The following RAB3C variants were observed in gnomAD, a reference collection of about 807,000 sequenced individuals.
RAB3C encodes RAB3C, member RAS oncogene family, also known as ras-related protein Rab-3C.
A neutral mutation model predicts 26.4 loss-of-function variants in RAB3C; 17 were observed. The ratio of observed to expected loss-of-function variants is 0.64; its 90% CI spans 0.44 to 0.97. The LOEUF is 0.97. Among genes scored for constraint, RAB3C ranks in the 50% least tolerant of loss-of-function variants. The pLI, the probability that RAB3C is intolerant of heterozygous loss-of-function variation, is 0.00. For synonymous variants in RAB3C, 91 were observed against 95.9 expected, an observed-to-expected ratio of 0.95 and a Z score of 0.30; for missense variants, 242 against 281.9, an observed-to-expected ratio of 0.86 and a Z score of 1.01.
chr5:58,684,930 A>G (rs150511886), intron 2 of RAB3C, among the ~76,000 whole-genome samples: 44 of 152,358 alleles, frequency 2.9e-4, no homozygotes, highest in African/African-American at 1.0e-3. Flanking sequence ...AACATTTGTT[A>G]CAGATTATCA....
chr5:58,661,850 G>A (rs557081549), intron 2 of RAB3C, among the ~76,000 whole-genome samples: 5 of 149,376 alleles, frequency 3.3e-5, no homozygotes, highest in Non-Finnish European at 7.4e-5. Context: ...GGACAGAGGG[G>A]TTAGAGAACG....
Position 58,855,224 on chromosome 5 carries a change from G to A in RAB3C, c.*3873G>A, listed in dbSNP as rs115274904. ...AAACTACCAAGCTATACCAAGCTGA[G>A]GTAGGTAACACCTGCATGTGAAAAA... On this transcript the variant is annotated 3_prime_UTR_variant, in exon 5 of 5. Coordinates refer to ENST00000282878, the MANE Select transcript of RAB3C (RefSeq NM_138453.4). 1 of 152,066 alleles carries A rather than the reference G, an allele frequency of 6.6e-6. No homozygotes were observed. The highest frequency in any genetic ancestry group is 1.5e-5 in the Non-Finnish European group (1 of 68,024). 9.4% of individuals were successfully genotyped at this position (152,066 alleles called of 1,614,324 possible).
chr5:58,754,885 C>CTTT (rs5868129), intron 3 of RAB3C, among the ~76,000 whole-genome samples: 1,560 of 149,598 alleles, frequency 0.01, 33 homozygotes, highest in African/African-American at 0.036. Context: ...CCTTATTCTC[C>CTTT]TTTTTTTTTT....
intron 3 of RAB3C, among the ~76,000 whole-genome samples, chr5:58,818,309 G>C (rs554088678): frequency 6.6e-6 from 1 of 152,162 alleles, no homozygotes; most frequent in Admixed American, 6.5e-5. Context: ...ATTTTATTCT[G>C]TGCAGAGTTC....
chr5:58,597,747 CA>C (rs1426816930), intron 1 of RAB3C, among the ~76,000 whole-genome samples: 1 of 119,920 alleles, frequency 8.3e-6, no homozygotes, highest in Non-Finnish European at 1.6e-5. Flanking sequence ...ACATATAATA[CA>C]TTATATATAA....
Position 58,765,307 on chromosome 5 carries a change from C to T in RAB3C, c.371+39187C>T, listed in dbSNP as rs185347336. On this transcript the variant is annotated intron_variant, in intron 3 of 4. Transcript: ENST00000282878. ...CCCAGTTTTTTCCATTTTCACCTCC[C>T]TCAGCTTACATTTTCTTTTGACTTG... Among the ~76,000 whole-genome samples, 124 of 152,226 alleles carry T rather than the reference C, an allele frequency of 8.1e-4. 1 individual carries two copies. The highest frequency in any genetic ancestry group is 2.9e-3 in the African/African-American group (121 of 41,528).
At chr5:58,623,461 G>GC (rs1561270219) in intron 2 of RAB3C, among the ~76,000 whole-genome samples, 4 of 152,214 alleles carry the variant, frequency 2.6e-5, no homozygotes, top group Non-Finnish European at 5.9e-5. Context: ...ACCATTCTTG[G>GC]TGCTGTCATT....
intron 2 of RAB3C, among the ~76,000 whole-genome samples, chr5:58,658,927 G>A (rs893229735): frequency 1.3e-5 from 2 of 152,142 alleles, no homozygotes; most frequent in Non-Finnish European, 2.9e-5. Context: ...CATTATCACT[G>A]TAGTCATTTG....
At chr5:58,823,241 A>G (rs1173417298) in intron 3 of RAB3C, 1 of 262,830 alleles carries the variant, frequency 3.8e-6, no homozygotes, top group Non-Finnish European at 7.6e-6. Flanking sequence ...TAAAGCTCAT[A>G]TTGGCTGGGC....
At chr5:58,818,962 T>G (rs1743278996) in intron 3 of RAB3C, among the ~76,000 whole-genome samples, 1 of 152,208 alleles carries the variant, frequency 6.6e-6, no homozygotes, top group African/African-American at 2.4e-5. Context: ...AAAAATTTAT[T>G]TGTATAGAAC....
chr5:58,659,163 A>G (rs1579842810), intron 2 of RAB3C, among the ~76,000 whole-genome samples: 1 of 152,250 alleles, frequency 6.6e-6, no homozygotes, highest in Non-Finnish European at 1.5e-5. Context: ...ACAATTCTCA[A>G]TACTGCTGTT....
intron 2 of RAB3C, among the ~76,000 whole-genome samples, chr5:58,650,172 A>G (rs1294086794): frequency 2.0e-5 from 3 of 152,198 alleles, no homozygotes; most frequent in Non-Finnish European, 4.4e-5. Context: ...GACCTTTTAA[A>G]TAAATAAACA....
chr5:58,647,388 G>A (rs1223094847), intron 2 of RAB3C, among the ~76,000 whole-genome samples: 1 of 152,112 alleles, frequency 6.6e-6, no homozygotes, highest in African/African-American at 2.4e-5. Flanking sequence ...GGAGGAACTT[G>A]CCAAACACTT....
intron 3 of RAB3C, among the ~76,000 whole-genome samples, chr5:58,818,715 T>C (rs536957732): frequency 2.0e-5 from 3 of 152,210 alleles, no homozygotes; most frequent in Non-Finnish European, 4.4e-5. Context: ...TTTTCACATG[T>C]ATACTGTTTG....
In RAB3C at chr5:58,670,184, T is replaced by C. The variant is rs181057592; in HGVS notation, c.252+52314T>C. Among the ~76,000 whole-genome samples the C allele has an allele frequency of 1.8e-4, 28 of 152,248 alleles. No individual in the cohort carries two copies. The East Asian group carries it at 4.8e-3, about 26-fold the overall frequency. On this transcript the variant is annotated intron_variant, in intron 2 of 4. Coordinates refer to ENST00000282878, the MANE Select transcript of RAB3C (RefSeq NM_138453.4). ...TACTACCACATACATATCTGAACAA[T>C]TGACATACGATCTTAGAGGCCCAGC...
intron 2 of RAB3C, among the ~76,000 whole-genome samples, chr5:58,661,673 T>A (rs1747908521): frequency 6.8e-6 from 1 of 147,018 alleles, no homozygotes; most frequent in Non-Finnish European, 1.5e-5. Flanking sequence ...GCAGGGACAC[T>A]GCAAGATAGG....
intron 2 of RAB3C, among the ~76,000 whole-genome samples, chr5:58,687,644 G>A (rs1243141099): frequency 6.6e-6 from 1 of 151,892 alleles, no homozygotes; most frequent in East Asian, 1.9e-4. Context: ...GAGATACAAG[G>A]CAAAAAATAA....
At chr5:58,794,886 C>A (rs965213712) in intron 3 of RAB3C, among the ~76,000 whole-genome samples, 1 of 152,210 alleles carries the variant, frequency 6.6e-6, no homozygotes, top group Non-Finnish European at 1.5e-5. Context: ...TCAGTAGGTT[C>A]TGTGGAGCCC....
In RAB3C at chr5:58,854,113, A is replaced by G. The variant is rs1336569378; in HGVS notation, c.*2762A>G. ...ATCAATAGTCTAAATACATAAATAA[A>G]TGCAGGTCATTTTTATCAATGGCCT... On this transcript the variant is annotated 3_prime_UTR_variant, in exon 5 of 5. Transcript: ENST00000282878. 1 of 152,008 alleles carries G rather than the reference A, an allele frequency of 6.6e-6. No individual in the cohort carries two copies. Among genetic ancestry groups the G allele is most frequent in the Non-Finnish European group, 1.5e-5 (1 of 67,992 alleles). The allele number at this position is 152,008 out of a possible 1,614,324, so 9.4% of individuals were successfully genotyped here. A position where few individuals can be genotyped will look rare whatever the true frequency, so the allele number is the denominator to read the frequency against.
Sources: allele counts gnomAD v4.1 joint callset (sites outside exome capture counted in the v4.1 genomes callset), GRCh38; gene constraint gnomAD v4.1.1; transcripts MANE v1.5; gene names NCBI Gene and HGNC (gene_info 2026-07-23, HGNC 2026-07-21).